The following CCDC146 variants were observed in gnomAD, a reference collection of about 807,000 sequenced individuals.
The protein encoded by CCDC146 is coiled-coil domain containing 146.
Under a neutral mutation model 119.3 loss-of-function variants are expected in CCDC146, and 92 were observed. The observed-to-expected ratio is 0.77, with a 90% CI of 0.65 to 0.92. CCDC146 has a LOEUF of 0.92. Among genes scored for constraint, CCDC146 ranks in the 40% least tolerant of loss-of-function variants. The pLI, the probability that CCDC146 is intolerant of heterozygous loss-of-function variation, is 0.00. For synonymous variants in CCDC146, 372 were observed against 371.8 expected (o/e 1.00, Z -0.01); for missense variants, 1,000 against 1,103.0 (o/e 0.91, Z 1.32).
At chr7:77,135,298 G>A (rs149090595) in intron 1 of CCDC146, among the ~76,000 whole-genome samples, 1,550 of 152,140 alleles carry the variant, frequency 0.01, 25 homozygotes, top group African/African-American at 0.035. Flanking sequence ...GACCAGCCTG[G>A]GCAACATGGC....
chr7:77,185,524 C>G (rs1791653975), intron 2 of CCDC146, among the ~76,000 whole-genome samples: 2 of 152,160 alleles, frequency 1.3e-5, no homozygotes, highest in Admixed American at 6.6e-5. Flanking sequence ...GCAAGAACCA[C>G]AGTGTTTCTG....
intron 2 of CCDC146, among the ~76,000 whole-genome samples, chr7:77,190,206 G>T (rs1295862733): frequency 1.3e-5 from 2 of 152,198 alleles, no homozygotes; most frequent in African/African-American, 4.8e-5. Flanking sequence ...GCTATTGAAT[G>T]TAAGTTTGTA....
At chr7:77,224,460 A>C (rs1792466614) in intron 2 of CCDC146, among the ~76,000 whole-genome samples, 1 of 152,072 alleles carries the variant, frequency 6.6e-6, no homozygotes, top group African/African-American at 2.4e-5. Flanking sequence ...GATTGGGCTC[A>C]CCTGGTTAAT....
At chr7:77,231,172 T>C (rs1792620085) in intron 2 of CCDC146, among the ~76,000 whole-genome samples, 1 of 152,202 alleles carries the variant, frequency 6.6e-6, no homozygotes, top group African/African-American at 2.4e-5. Flanking sequence ...GTGGCTGTCT[T>C]AGTTACCAGG....
At chr7:77,123,306 G>A (rs1790650564) in intron 1 of CCDC146, among the ~76,000 whole-genome samples, 2 of 151,180 alleles carry the variant, frequency 1.3e-5, no homozygotes, top group African/African-American at 2.4e-5. Flanking sequence ...ACAAGGGTCA[G>A]ATTATTTTCC....
chr7:77,199,827 G>A lies in CCDC146; in HGVS notation c.156+32003G>A, dbSNP rs201533690. The A allele has an allele frequency of 2.8e-4, 440 of 1,594,946 alleles. 1 individual carries two copies. Among genetic ancestry groups the A allele is most frequent in the Middle Eastern group, 1.7e-3 (10 of 5,796 alleles). ...TGCTGCTCACCCCAGCAGGGAGTGCGCAGGGCTGGAGCTGCTTTAATAGCG... is the reference window on the plus strand; with the variant it reads ...TGCTGCTCACCCCAGCAGGGAGTGCACAGGGCTGGAGCTGCTTTAATAGCG... On this transcript the variant is annotated intron_variant, in intron 2 of 18. Coordinates refer to ENST00000285871, the MANE Select transcript of CCDC146 (RefSeq NM_020879.3).
Position 77,280,424 on chromosome 7 carries a change from A to G in CCDC146, c.1695-5A>G, listed in dbSNP as rs1554362055. ...ATCTTACCCATTGTCTTATTACTTT[A>G]AAAGAAAGCTACAAAATTCCATGCT... is the stretch of plus-strand genomic sequence containing the variant. On this transcript the variant is annotated splice_polypyrimidine_tract_variant and splice_region_variant and intron_variant, in intron 13 of 18. Transcript: ENST00000285871. The G allele has an allele frequency of 6.2e-7, 1 of 1,601,558 alleles. No homozygotes were observed. The highest frequency in any genetic ancestry group is 1.1e-5 in the South Asian group (1 of 87,900).
chr7:77,122,813 TA>T (rs1790641383), intron 1 of CCDC146, 81 bp downstream of exon 1: 1 of 154,150 alleles, frequency 6.5e-6, no homozygotes, highest in Non-Finnish European at 1.4e-5. Context: ...CAAGCTTCAC[TA>T]ACCTAGTGCG....
rs141306754 is a variant in CCDC146 at position 77,239,716 on chromosome 7, T to C, written c.240-1975T>C. On this transcript the variant is annotated intron_variant, in intron 3 of 18. Coordinates refer to ENST00000285871, the MANE Select transcript of CCDC146 (RefSeq NM_020879.3). ...CTTCAAATAGGAGAGGTAGCTAATA[T>C]AAGGGTTTCTGGGAAAGAGGAATCA... 2.2e-3 allele frequency among the ~76,000 whole-genome samples: 333 copies of C among 152,336 alleles called. 1 individual carries two copies. The highest frequency in any genetic ancestry group is 7.2e-3 in the African/African-American group (298 of 41,568).
intron 2 of CCDC146, among the ~76,000 whole-genome samples, chr7:77,200,343 C>A (rs1562831201): frequency 6.6e-6 from 1 of 152,180 alleles, no homozygotes; most frequent in Non-Finnish European, 1.5e-5. Flanking sequence ...GTACAGCTTT[C>A]TGACTATTGC....
rs1793315022 is a variant in CCDC146, at chr7:77,262,285, TG to T, written c.1152del (p.His385IlefsTer6). On this transcript the variant is annotated frameshift_variant, in exon 9 of 19. Coordinates refer to ENST00000285871, the MANE Select transcript of CCDC146 (RefSeq NM_020879.3). LOFTEE classifies it high-confidence loss of function. ...GATGCACTTAGGCAAACTCAAGCACTGCATCAAAGGCTTCTATTAGAGGTGA... is the reference window on the plus strand; with the variant it reads ...GATGCACTTAGGCAAACTCAAGCACTCATCAAAGGCTTCTATTAGAGGTGA... The part of the protein sequence containing the change: ...SWDALRQTQA[L>X]HQRLLLEMEA... 1 of 1,607,876 alleles carries T rather than the reference TG, an allele frequency of 6.2e-7. No individual in the cohort carries two copies. The highest frequency in any genetic ancestry group is 1.3e-5 in the African/African-American group (1 of 74,632).
intron 2 of CCDC146, among the ~76,000 whole-genome samples, chr7:77,233,988 T>A (rs1204031818): frequency 6.6e-6 from 1 of 152,232 alleles, no homozygotes; most frequent in Non-Finnish European, 1.5e-5. Context: ...CTGTTTTTTT[T>A]ATGCAGGGAG....
intron 2 of CCDC146, among the ~76,000 whole-genome samples, chr7:77,218,636 G>A (rs1482399113): frequency 1.3e-5 from 2 of 150,220 alleles, no homozygotes; most frequent in Non-Finnish European, 3.0e-5. Context: ...TTTTGGCAGG[G>A]TCTCACTCTG....
At chr7:77,229,863 T>C (rs962939213) in intron 2 of CCDC146, among the ~76,000 whole-genome samples, 5 of 152,180 alleles carry the variant, frequency 3.3e-5, no homozygotes, top group Non-Finnish European at 7.4e-5. Flanking sequence ...GCTTTTAGTA[T>C]ATATACAGAG....
chr7:77,266,868 T>G (rs1793414518), intron 9 of CCDC146, among the ~76,000 whole-genome samples: 1 of 152,174 alleles, frequency 6.6e-6, no homozygotes, highest in South Asian at 2.1e-4. Context: ...ATTCACATAA[T>G]CACAGAATGA....
At chr7:77,238,218 C>T (rs976354034) in intron 3 of CCDC146, among the ~76,000 whole-genome samples, 3 of 152,146 alleles carry the variant, frequency 2.0e-5, no homozygotes, top group African/African-American at 4.8e-5. Flanking sequence ...TCCATTCCCC[C>T]GTAGCTGGTC....
chr7:77,199,144 T>C, intron 2 of CCDC146: 1 of 1,560,840 alleles, frequency 6.4e-7, no homozygotes, highest in South Asian at 1.2e-5. Flanking sequence ...TGTATAACAT[T>C]TATGAACATA....
At chr7:77,246,506 A>C (rs1792954504) in intron 4 of CCDC146, 1 of 152,216 alleles carries the variant, frequency 6.6e-6, no homozygotes, top group Admixed American at 6.5e-5. Context: ...TGTCAGATTT[A>C]AGTTTTAATG....
intron 1 of CCDC146, among the ~76,000 whole-genome samples, chr7:77,140,054 C>T (rs1790911865): frequency 6.6e-6 from 1 of 151,988 alleles, no homozygotes. Context: ...ACCATCACAC[C>T]CAGCTAATTT....
Sources: allele counts gnomAD v4.1 joint callset (sites outside exome capture counted in the v4.1 genomes callset), GRCh38; gene constraint gnomAD v4.1.1; transcripts MANE v1.5; gene names NCBI Gene and HGNC (gene_info 2026-07-23, HGNC 2026-07-21).